Variants in VPS53 observed in about 807,000 individuals in gnomAD.
VPS53 encodes the protein VPS53 subunit of GARP complex.
In VPS53, 70 loss-of-function variants were observed where a neutral mutation model predicts 107.0. The observed-to-expected ratio is 0.65, with a 90% CI of 0.54 to 0.80. The LOEUF is 0.80. Ranked by LOEUF, VPS53 falls within the 30% of genes least tolerant of loss-of-function variation. The pLI is 0.00. For synonymous variants in VPS53, 409 were observed against 393.3 expected (o/e 1.04, Z -0.47); for missense variants, 917 against 1,049.4 (o/e 0.87, Z 1.74).
chr17:563,474 A>G (rs1213092755), intron 13 of VPS53, among the ~76,000 whole-genome samples: 3 of 151,832 alleles, frequency 2.0e-5, no homozygotes, highest in Non-Finnish European at 4.4e-5. Flanking sequence ...TTTTATTTTC[A>G]GTAGAGACAG....
In VPS53 at chr17:648,791, C is replaced by T. The variant is rs566509305; in HGVS notation, c.608+4500G>A. ...GCACTGAAGATCTTACACTGGAGGA[C>T]AGAGGAATGGAACAGGTAATGAAGA... On this transcript the variant is annotated intron_variant, in intron 7 of 21. Transcript: ENST00000437048. 1.6e-3 allele frequency among the ~76,000 whole-genome samples: 198 copies of T among 126,664 alleles called. No homozygotes were observed. In the East Asian group the frequency reaches 0.016, roughly 10 times the overall value. The allele number at this position is 126,664 out of a possible 152,430, so 83.1% of individuals were successfully genotyped here.
At chr17:665,171 C>A (rs965054531) in intron 4 of VPS53, among the ~76,000 whole-genome samples, 2 of 152,154 alleles carry the variant, frequency 1.3e-5, no homozygotes, top group Admixed American at 6.5e-5. Flanking sequence ...GGAGTGGGTT[C>A]TTGATAAAAG....
At chr17:571,487 TTCTCCCTCTCCCTCTCCCTACAG>T (rs1914055135) in intron 13 of VPS53, among the ~76,000 whole-genome samples, 3 of 119,726 alleles carry the variant, frequency 2.5e-5, no homozygotes, top group Non-Finnish European at 5.9e-5. Flanking sequence ...CTCCCTCTCC[TTCTCCCTCTCCCTCTCCCTACAG>T]TCTCCCTCTC....
At chr17:589,944 T>C (rs941191180) in intron 12 of VPS53, among the ~76,000 whole-genome samples, 3 of 152,082 alleles carry the variant, frequency 2.0e-5, no homozygotes, top group African/African-American at 4.8e-5. Context: ...GGGGATGGCA[T>C]TGAATCTGTA....
rs1908504300 is a variant in VPS53 at position 518,838 on chromosome 17, G to A, written c.*290C>T. 3.3e-6 allele frequency: 1 copy of A among 299,310 alleles called. No individual in the cohort carries two copies. The highest frequency in any genetic ancestry group is 6.1e-6 in the Non-Finnish European group (1 of 164,016). The allele number at this position is 299,310 out of a possible 1,614,324, so 18.5% of individuals were successfully genotyped here. On this transcript the variant is annotated 3_prime_UTR_variant, in exon 22 of 22. Transcript: ENST00000437048. Reference sequence around the variant, plus strand: ...GTCAAGAGGGTGTGACTGCCATGGGGAGGCTACATGAGTCAAGGGCAGCTC... The same window carrying A: ...GTCAAGAGGGTGTGACTGCCATGGGAAGGCTACATGAGTCAAGGGCAGCTC...
At chr17:583,511 TC>T in intron 13 of VPS53, among the ~76,000 whole-genome samples, 1 of 149,836 alleles carries the variant, frequency 6.7e-6, no homozygotes, top group East Asian at 2.0e-4. Flanking sequence ...CCTCAGAACT[TC>T]AATACATTCC....
At position 532,929 on chromosome 17, in the gene VPS53, GTGACAAATT is replaced by G. The variant is rs776556022; in HGVS notation, c.2016-27_2016-19del. The G allele has an allele frequency of 1.2e-6, 2 of 1,611,910 alleles. No homozygotes were observed. The highest frequency in any genetic ancestry group is 1.7e-5 in the Admixed American group (1 of 59,658). ...TGAAGGAGCTGTGGATAAAAAAGAA[GTGACAAATT>G]AGGCTTATTCTCTCTTGAGGAAAGA... On this transcript the variant is annotated intron_variant, in intron 18 of 21. Coordinates refer to ENST00000437048, the MANE Select transcript of VPS53 (RefSeq NM_001128159.3).
intron 4 of VPS53, among the ~76,000 whole-genome samples, chr17:670,265 CG>C (rs1971882088): frequency 6.6e-6 from 1 of 152,158 alleles, no homozygotes; most frequent in East Asian, 1.9e-4. Context: ...CTGTATCTGA[CG>C]GTGTTATAAA....
chr17:656,758 A>C, intron 5 of VPS53: 1 of 911,536 alleles, frequency 1.1e-6, no homozygotes, highest in South Asian at 1.3e-5. Flanking sequence ...ATTTTTAATT[A>C]CGTACAAAGA....
chr17:605,441 G>A (rs1010273647), intron 11 of VPS53, among the ~76,000 whole-genome samples: 4 of 151,964 alleles, frequency 2.6e-5, no homozygotes, highest in Admixed American at 6.6e-5. Context: ...AGCATATGGT[G>A]AGTCTGAGGG....
chr17:588,789 T>C (rs1453777232), intron 12 of VPS53, among the ~76,000 whole-genome samples: 2 of 152,210 alleles, frequency 1.3e-5, no homozygotes, highest in Non-Finnish European at 2.9e-5. Flanking sequence ...AGAATTCCAC[T>C]TGAGTGCACA....
chr17:554,239 T>C (rs1272023595), intron 15 of VPS53, among the ~76,000 whole-genome samples: 1 of 151,962 alleles, frequency 6.6e-6, no homozygotes, highest in Non-Finnish European at 1.5e-5. Flanking sequence ...AGAAATGTGG[T>C]CCCTGCCATC....
chr17:701,431 G>A (rs757035256), intron 2 of VPS53, among the ~76,000 whole-genome samples: 2 of 152,028 alleles, frequency 1.3e-5, no homozygotes, highest in Non-Finnish European at 2.9e-5. Flanking sequence ...AGGCTGGAGT[G>A]CAATGGCGCG....
rs543687157 is a variant in VPS53, at chr17:520,282, C to T, written c.2224-352G>A. 5.3e-5 allele frequency among the ~76,000 whole-genome samples: 8 copies of T among 152,230 alleles called. No homozygotes were observed. The highest frequency in any genetic ancestry group is 4.6e-4 in the Admixed American group (7 of 15,282). On this transcript the variant is annotated intron_variant, in intron 20 of 21. Coordinates refer to ENST00000437048, the MANE Select transcript of VPS53 (RefSeq NM_001128159.3). The surrounding 1 kb of genome is among the most constrained non-coding windows in gnomAD (Gnocchi z 4.4). ...TAATTCAGTAGGCCTGGCTGGAGTC[C>T]CAGGTGACTTTTAAACTATCAGGAC... is the stretch of plus-strand genomic sequence containing the variant.
rs188796296 is a variant in VPS53 at position 657,165 on chromosome 17, C to T, written c.373-1212G>A. ...AGCGGATGGTGCGAGCATCATGAGT[C>T]ACCAGATGAGGGATTCCTTTTGTGC... On this transcript the variant is annotated intron_variant, in intron 5 of 21. Coordinates refer to ENST00000437048, the MANE Select transcript of VPS53 (RefSeq NM_001128159.3). The T allele has an allele frequency of 4.5e-4, 683 of 1,509,330 alleles. 2 individuals carry two copies. The highest frequency in any genetic ancestry group is 3.0e-3 in the South Asian group (263 of 88,376). The allele number at this position is 1,509,330 out of a possible 1,614,324, so 93.5% of individuals were successfully genotyped here.
chr17:618,343 GGGGT>G lies in VPS53; in HGVS notation c.1116+5186_1116+5189del, dbSNP rs1262561543. Among the ~76,000 whole-genome samples, 91 of 101,442 alleles carry G rather than the reference GGGGT, an allele frequency of 9.0e-4. 7 individuals are homozygous for G. The highest frequency in any genetic ancestry group is 3.3e-3 in the Admixed American group (34 of 10,306). The allele number at this position is 101,442 out of a possible 152,430, so 66.5% of individuals were successfully genotyped here. The stretch of plus-strand genomic sequence containing the variant: ...TATTTCCTGGGTAGCTGGGACTACA[GGGGT>G]GCACCACCACGCCCCACTAATATTT... On this transcript the variant is annotated intron_variant, in intron 11 of 21. Transcript: ENST00000437048.
At chr17:539,732 T>G (rs1027713831) in intron 17 of VPS53, among the ~76,000 whole-genome samples, 4 of 152,180 alleles carry the variant, frequency 2.6e-5, no homozygotes, top group African/African-American at 9.7e-5. Context: ...GGTCACAACC[T>G]GAACTGCCCA....
chr17:546,504 A>G (rs1911210396), intron 17 of VPS53, among the ~76,000 whole-genome samples: 1 of 152,208 alleles, frequency 6.6e-6, no homozygotes, highest in South Asian at 2.1e-4. Flanking sequence ...TATAAAAAGA[A>G]CTTTTACAAT....
At chr17:704,200 G>A (rs974806557) in intron 2 of VPS53, among the ~76,000 whole-genome samples, 5 of 151,998 alleles carry the variant, frequency 3.3e-5, no homozygotes, top group Non-Finnish European at 7.4e-5. Flanking sequence ...CTAGACCACT[G>A]CGACCAAACC....
Sources: gnomAD v4.1 joint callset for allele counts (sites outside exome capture counted in the v4.1 genomes callset) on GRCh38, gnomAD v4.1.1 for gene constraint, Gnocchi (gnomAD v3.1) non-coding constraint, MANE v1.5 for transcripts, NCBI Gene and HGNC (gene_info 2026-07-23, HGNC 2026-07-21) for gene names.